TRIO: variants seen among roughly 807,000 people sequenced by gnomAD.
TRIO encodes trio Rho guanine nucleotide exchange factor, also known as triple functional domain protein.
Under a neutral mutation model 351.9 loss-of-function variants are expected in TRIO, and 58 were observed. The ratio of observed to expected loss-of-function variants is 0.16; its 90% CI spans 0.13 to 0.21. The LOEUF (loss-of-function observed/expected upper bound fraction) is 0.21. Ranked by LOEUF, TRIO falls within the 10% of genes least tolerant of loss-of-function variation. The pLI is 1.00. For missense variants in TRIO, 3,201 were observed against 4,027.8 expected (o/e 0.79, Z 5.56); for synonymous variants, 1,758 against 1,595.7 (o/e 1.10, Z -2.42).
At position 14,471,395 on chromosome 5, in the gene TRIO, T is replaced by G. The variant is rs1754674183; in HGVS notation, c.5841T>G (p.Asn1947Lys). ...SSSPSFNPSD[N>K]SLLSSSSPID... is the part of the protein sequence containing the mutation. ...GCCCTTCCTTCAACCCTTCGGATAA[T>G]TCCCTTCTCTCTTCCTCCTCGCCCA... Residue 1947 changes from asparagine to lysine, a missense_variant, in exon 38 of 57, where the codon AAT becomes AAG. By Grantham distance (94) the Asn-to-Lys change is moderately conservative. Transcript: ENST00000344204. 6.2e-7 allele frequency: 1 copy of G among 1,614,100 alleles called. No individual in the cohort carries two copies. Among genetic ancestry groups the G allele is most frequent in the African/African-American group, 1.3e-5 (1 of 74,946 alleles).
At chr5:14,337,750 T>C (rs1248928606) in intron 11 of TRIO, among the ~76,000 whole-genome samples, 1 of 152,086 alleles carries the variant, frequency 6.6e-6, no homozygotes, top group African/African-American at 2.4e-5. Context: ...GTCGGGTCAT[T>C]TGTTGCTGGA....
intron 1 of TRIO, among the ~76,000 whole-genome samples, chr5:14,173,073 C>T (rs2152128059): frequency 6.6e-6 from 1 of 152,140 alleles, no homozygotes; most frequent in Non-Finnish European, 1.5e-5. Flanking sequence ...GGAAGTTGAT[C>T]ACTAGGCATG....
In TRIO at chr5:14,369,518, C is replaced by T. The variant is rs747482667; in HGVS notation, c.3211C>T (p.Leu1071=). 1.2e-6 allele frequency: 2 copies of T among 1,613,552 alleles called. No homozygotes were observed. The highest frequency in any genetic ancestry group is 1.7e-6 in the Non-Finnish European group (2 of 1,179,864). ...SKHLEQKEAF[L]KACTLARRNA... is the part of the protein sequence containing the mutation. ...GCACCTGGAGCAGAAGGAGGCATTC[C>T]TGAAGGTAGGGGCAGCGCTGCGGGA... Residue 1071 remains leucine (L), a synonymous_variant, in exon 18 of 57, where the codon CTG becomes TTG. Transcript: ENST00000344204.
chr5:14,498,368 T>A, intron 52 of TRIO, 117 bp downstream of exon 52: 2 of 1,514,092 alleles, frequency 1.3e-6, no homozygotes, highest in South Asian at 2.5e-5. Flanking sequence ...GCACTCCACT[T>A]CTTCCGTGAG....
intron 1 of TRIO, among the ~76,000 whole-genome samples, chr5:14,170,336 G>A (rs753009966): frequency 2.0e-5 from 3 of 151,978 alleles, no homozygotes; most frequent in Non-Finnish European, 4.4e-5. Flanking sequence ...AGAAAGGTTT[G>A]GTTTTGTTTA....
At position 14,488,256 on chromosome 5, in the gene TRIO, A is replaced by G; in HGVS notation, c.7628A>G (p.Asn2543Ser). ...SEQSVQSTQS[N>S]GSESSSSSNI... Reference sequence around the variant, plus strand: ...CAGTCCGTGCAGTCCACCCAGAGCAACGGGGTAAGCGCGTCGGGGGGCCCG... The same window carrying G: ...CAGTCCGTGCAGTCCACCCAGAGCAGCGGGGTAAGCGCGTCGGGGGGCCCG... Residue 2543 changes from asparagine (N) to serine (S), a missense_variant, in exon 48 of 57, where the codon AAC (asparagine) becomes AGC (serine). Physicochemically the swap from Asn to Ser is conservative, Grantham distance 46 (BLOSUM62 1). Around this residue, in one of 19 missense-constraint regions of TRIO, gnomAD observed 1,089 missense variants for 954.9 expected, o/e 1.14. Transcript: ENST00000344204. 2 of 1,570,378 alleles carry G rather than the reference A, an allele frequency of 1.3e-6. No individual in the cohort carries two copies. The highest frequency in any genetic ancestry group is 2.3e-5 in the East Asian group (1 of 43,356).
intron 34 of TRIO, among the ~76,000 whole-genome samples, chr5:14,455,870 C>T (rs1411534630): frequency 5.9e-5 from 9 of 152,378 alleles, no homozygotes; most frequent in South Asian, 4.1e-4. Context: ...CGGAGCTGCC[C>T]GCCAGTCCCG....
rs866698569 is a variant in TRIO, at chr5:14,405,919, C to T, written c.4788C>T (p.His1596=). The part of the protein sequence containing the change: ...IREVIQERTI[H]LKGALKEPIH... ...AAGTCATCCAGGAGCGGACGATCCA[C>T]CTGAAGGGAGCCCTGAAGGAGCCCA... Residue 1596 remains histidine (H), a synonymous_variant, in exon 32 of 57, where the codon CAC becomes CAT. Transcript: ENST00000344204. 1.2e-6 allele frequency: 2 copies of T among 1,613,878 alleles called. No individual in the cohort carries two copies. The highest frequency in any genetic ancestry group is 1.3e-5 in the African/African-American group (1 of 74,968).
At chr5:14,488,479 C>A in intron 48 of TRIO, 1 of 616,882 alleles carries the variant, frequency 1.6e-6, no homozygotes, top group Non-Finnish European at 2.7e-6. Context: ...GCAAGCCGAT[C>A]ATTAACCTTC....
chr5:14,429,845 C>T (rs1750943586), intron 34 of TRIO, among the ~76,000 whole-genome samples: 2 of 152,192 alleles, frequency 1.3e-5, no homozygotes, highest in African/African-American at 2.4e-5. Flanking sequence ...AAGCATTTCT[C>T]CCTCCTTTTG....
chr5:14,168,171 T>G (rs1561156837), intron 1 of TRIO, among the ~76,000 whole-genome samples: 4 of 151,574 alleles, frequency 2.6e-5, no homozygotes, highest in Non-Finnish European at 3.0e-5. Context: ...GTGTAAATAC[T>G]CACAGCCTCA....
intron 30 of TRIO, among the ~76,000 whole-genome samples, chr5:14,399,869 G>A (rs1433214900): frequency 6.6e-6 from 1 of 152,134 alleles, no homozygotes; most frequent in East Asian, 1.9e-4. Flanking sequence ...CACTAAGGAG[G>A]AATCATCATC....
chr5:14,143,956 A>C (rs978545905), intron 1 of TRIO, 74 bp downstream of exon 1: 2 of 1,004,028 alleles, frequency 2.0e-6, no homozygotes, highest in African/African-American at 3.5e-5. Flanking sequence ...GGAGCTGCCG[A>C]GCTCCGGCCA....
At chr5:14,499,855 T>C (rs1453812678) in intron 53 of TRIO, among the ~76,000 whole-genome samples, 2 of 151,722 alleles carry the variant, frequency 1.3e-5, no homozygotes, top group African/African-American at 4.8e-5. Context: ...ATCGAGACCA[T>C]CGTGGCTAAC....
chr5:14,201,209 G>A (rs957144831), intron 1 of TRIO, among the ~76,000 whole-genome samples: 1 of 152,086 alleles, frequency 6.6e-6, no homozygotes, highest in South Asian at 2.1e-4. Flanking sequence ...GCAGTGAGCC[G>A]AGATCGTGTC....
At chr5:14,144,525 G>T (rs1422258823) in intron 1 of TRIO, among the ~76,000 whole-genome samples, 1 of 152,142 alleles carries the variant, frequency 6.6e-6, no homozygotes, top group Non-Finnish European at 1.5e-5. Flanking sequence ...GGACCGGGAG[G>T]CGCGGTGAGC....
intron 9 of TRIO, among the ~76,000 whole-genome samples, chr5:14,327,975 T>G (rs972403835): frequency 1.3e-5 from 2 of 152,232 alleles, no homozygotes; most frequent in African/African-American, 4.8e-5. Flanking sequence ...AGGTGGTGAA[T>G]GTAGCAATAC....
chr5:14,231,697 G>A (rs1010654565), intron 1 of TRIO, among the ~76,000 whole-genome samples: 1 of 151,534 alleles, frequency 6.6e-6, no homozygotes, highest in African/African-American at 2.4e-5. Flanking sequence ...AGAATAAAAT[G>A]TGTCATGATG....
Position 14,280,309 on chromosome 5 carries a change from G to A in TRIO, c.233-13G>A. ...TCTTGTGTCTAAGTGTATTCCTAAT[G>A]TTTGTTTTTTAGGTGGGAGAGATAA... On this transcript the variant is annotated splice_polypyrimidine_tract_variant and intron_variant, in intron 2 of 56. Transcript: ENST00000344204. 1.9e-6 allele frequency: 3 copies of A among 1,611,072 alleles called. No individual in the cohort carries two copies. Among genetic ancestry groups the A allele is most frequent in the South Asian group, 1.1e-5 (1 of 91,022 alleles).
Sources: gnomAD v4.1 joint callset for allele counts (sites outside exome capture counted in the v4.1 genomes callset) on GRCh38, gnomAD v4.1.1 for gene constraint, gnomAD v4.1.1 regional missense constraint, MANE v1.5 for transcripts, NCBI Gene and HGNC (gene_info 2026-07-23, HGNC 2026-07-21) for gene names.